Variants in DAB1 observed in about 807,000 individuals in gnomAD.
DAB1 encodes disabled homolog 1.
A neutral mutation model predicts 64.6 loss-of-function variants in DAB1; 15 were observed. That is an observed-to-expected ratio of 0.23 (90% CI 0.16 to 0.36). The LOEUF (loss-of-function observed/expected upper bound fraction) is 0.36, where lower values mean the gene tolerates loss of function less well. DAB1 is among the 10% of genes least tolerant of loss of function. The pLI is 1.00. For synonymous variants in DAB1, 235 were observed against 251.9 expected (o/e 0.93, Z 0.64); for missense variants, 596 against 706.7 (o/e 0.84, Z 1.78).
intron 4 of DAB1, among the ~76,000 whole-genome samples, chr1:58,322,918 G>T (rs1341634401): frequency 6.6e-6 from 1 of 152,162 alleles, no homozygotes; most frequent in Non-Finnish European, 1.5e-5. Context: ...CCATAAAAAA[G>T]AATGAGTTCA....
At chr1:57,095,671 C>T (rs1887254) in intron 4 of DAB1, among the ~76,000 whole-genome samples, 1 of 152,010 alleles carries the variant, frequency 6.6e-6, no homozygotes, top group Non-Finnish European at 1.5e-5. Flanking sequence ...TGGGTGGGAA[C>T]CAGCTTGAAT....
intron 4 of DAB1, among the ~76,000 whole-genome samples, chr1:57,123,965 C>T (rs537469796): frequency 4.3e-4 from 65 of 152,078 alleles, no homozygotes; most frequent in African/African-American, 1.5e-3. Context: ...AAATTTTCTA[C>T]AATAAATATA....
At chr1:57,036,848 T>A (rs1478610338) in intron 9 of DAB1, among the ~76,000 whole-genome samples, 1 of 152,312 alleles carries the variant, frequency 6.6e-6, no homozygotes, top group East Asian at 1.9e-4. Context: ...ATAATCTCTT[T>A]TCAAAACAGT....
At chr1:57,280,776 A>G (rs1285540041) in intron 2 of DAB1, among the ~76,000 whole-genome samples, 2 of 152,308 alleles carry the variant, frequency 1.3e-5, no homozygotes, top group South Asian at 4.1e-4. Context: ...TGAATGCCAC[A>G]TAATAAGAAT....
intron 5 of DAB1, among the ~76,000 whole-genome samples, chr1:58,086,809 C>G (rs1650342971): frequency 1.3e-5 from 2 of 151,878 alleles, no homozygotes; most frequent in Non-Finnish European, 1.5e-5. Flanking sequence ...CAGCAAACCC[C>G]TATTCACTCT....
At chr1:58,485,124 G>C (rs1177898097) in intron 3 of DAB1, among the ~76,000 whole-genome samples, 1 of 150,904 alleles carries the variant, frequency 6.6e-6, no homozygotes, top group African/African-American at 2.4e-5. Context: ...TGATGGTATG[G>C]GAGGCTGTGA....
chr1:57,068,332 T>C (rs948383690), intron 8 of DAB1, among the ~76,000 whole-genome samples: 16 of 152,168 alleles, frequency 1.1e-4, no homozygotes, highest in African/African-American at 4.8e-5. Flanking sequence ...AACCTCACAT[T>C]TGAATGGAAT....
chr1:58,246,763 T>C (rs1169226811), intron 4 of DAB1, among the ~76,000 whole-genome samples: 10 of 152,114 alleles, frequency 6.6e-5, no homozygotes, highest in Non-Finnish European at 1.3e-4. Context: ...TTTGTATTTA[T>C]GAATGTGTGA....
chr1:58,312,618 A>G lies in DAB1; in HGVS notation n.309+30734T>C, dbSNP rs1274471052. 4.6e-5 allele frequency among the ~76,000 whole-genome samples: 7 copies of G among 152,352 alleles called. 2 individuals carry two copies. Among genetic ancestry groups the G allele is most frequent in the Admixed American group, 4.6e-4 (7 of 15,294 alleles). On this transcript the variant is annotated intron_variant and non_coding_transcript_variant, in intron 4 of 20. Coordinates refer to the DAB1 transcript ENST00000485760. ...GAATATGCTAAAACTTATAAGTGTG[A>G]GAGTCAATGCAAAGGGTGTCATTTG...
At chr1:57,524,782 C>T (rs1021022974) in intron 7 of DAB1, among the ~76,000 whole-genome samples, 7 of 152,172 alleles carry the variant, frequency 4.6e-5, no homozygotes, top group African/African-American at 7.2e-5. Flanking sequence ...TCTTCAGTTA[C>T]TTCAGGCCAT....
rs76749814 is a variant in DAB1, at chr1:57,982,148, G to A, written n.388-97986C>T. ...TTTGGCCCTTTCCTCAGGTGAAGTG[G>A]TTTTATCCTGGTGGCCTATTTGAGT... is the stretch of plus-strand genomic sequence containing the variant. On this transcript the variant is annotated intron_variant and non_coding_transcript_variant, in intron 5 of 20. Coordinates refer to the DAB1 transcript ENST00000485760. 3.0e-3 allele frequency among the ~76,000 whole-genome samples: 461 copies of A among 152,272 alleles called. 3 individuals carry two copies. The highest frequency in any genetic ancestry group is 0.01 in the African/African-American group (435 of 41,536).
intron 1 of DAB1, chr1:57,864,608 C>G (rs994122715): frequency 8.6e-5 from 13 of 151,718 alleles, no homozygotes; most frequent in African/African-American, 3.1e-4. Context: ...AGTTACTTAA[C>G]CTCACAGTTA....
At chr1:58,074,549 CATATATATATGTGTGTAT>C (rs1557638918) in intron 5 of DAB1, 12 of 66,394 alleles carry the variant, frequency 1.8e-4, no homozygotes, top group South Asian at 6.5e-4. Context: ...TATATACACA[CATATATATATGTGTGTAT>C]ATATATATAT....
intron 5 of DAB1, among the ~76,000 whole-genome samples, chr1:58,112,066 C>A (rs958548389): frequency 6.6e-6 from 1 of 152,152 alleles, no homozygotes; most frequent in Admixed American, 6.5e-5. Flanking sequence ...TTGGCACCTA[C>A]TATTTCCTCT....
intron 1 of DAB1, among the ~76,000 whole-genome samples, chr1:57,291,802 C>T (rs1672798752): frequency 6.6e-6 from 1 of 152,166 alleles, no homozygotes; most frequent in African/African-American, 2.4e-5. Context: ...TTCATTCATT[C>T]TCTAATAAAT....
In DAB1 at chr1:58,518,175, A is replaced by T. The variant is rs113926943; in HGVS notation, n.107+9086T>A. On this transcript the variant is annotated intron_variant and non_coding_transcript_variant, in intron 2 of 20. Transcript: ENST00000485760. Reference sequence around the variant, plus strand: ...CACTCCAGCCTGGGCAACAAAAGTGAAATTCTGTCAGAAAGAAAAGAGGAG... The same window carrying T: ...CACTCCAGCCTGGGCAACAAAAGTGTAATTCTGTCAGAAAGAAAAGAGGAG... 7.2e-3 allele frequency among the ~76,000 whole-genome samples: 878 copies of T among 122,410 alleles called. 6 individuals carry two copies. The highest frequency in any genetic ancestry group is 0.019 in the African/African-American group (620 of 33,510). The allele number at this position is 122,410 out of a possible 152,430, so 80.3% of individuals were successfully genotyped here.
chr1:57,094,985 T>C (rs953083355), intron 4 of DAB1, among the ~76,000 whole-genome samples: 2 of 152,216 alleles, frequency 1.3e-5, no homozygotes, highest in African/African-American at 4.8e-5. Context: ...ATGTTGACTT[T>C]GCTCACTTTC....
chr1:57,847,630 C>T (rs1653349026), intron 1 of DAB1, among the ~76,000 whole-genome samples: 1 of 151,956 alleles, frequency 6.6e-6, no homozygotes, highest in African/African-American at 2.4e-5. Flanking sequence ...AAGTAGAATT[C>T]AGGGTAAAAG....
chr1:57,946,623 T>C (rs1356457109), intron 5 of DAB1, among the ~76,000 whole-genome samples: 3 of 152,102 alleles, frequency 2.0e-5, no homozygotes, highest in African/African-American at 7.2e-5. Flanking sequence ...CTGATATATA[T>C]ATTCCCTGGT....
Sources: gnomAD v4.1 joint callset for allele counts (sites outside exome capture counted in the v4.1 genomes callset) on GRCh38, gnomAD v4.1.1 for gene constraint, MANE v1.5 for transcripts, NCBI Gene and HGNC (gene_info 2026-07-23, HGNC 2026-07-21) for gene names.